Variants in ATP2B1 observed in about 807,000 individuals in gnomAD.
ATP2B1 encodes the protein plasma membrane calcium-transporting ATPase 1.
Under a neutral mutation model 124.2 loss-of-function variants are expected in ATP2B1, and 14 were observed. The observed-to-expected ratio is 0.11, with a 90% CI of 0.07 to 0.18. The LOEUF (loss-of-function observed/expected upper bound fraction) is 0.18. Among genes scored for constraint, ATP2B1 ranks in the 10% least tolerant of loss-of-function variants. The pLI, the probability that ATP2B1 is intolerant of heterozygous loss-of-function variation, is 1.00. For synonymous variants in ATP2B1, 449 were observed against 492.4 expected, an observed-to-expected ratio of 0.91 and a Z score of 1.17; for missense variants, 763 against 1,466.1, an observed-to-expected ratio of 0.52 and a Z score of 7.83.
At position 89,655,952 on chromosome 12, in the gene ATP2B1, C is replaced by T; in HGVS notation, c.-66G>A. ...AATTTAATTTTCACTTGATGTATTT[C>T]CAAGATGAAAATCTTTTAAGTATGA... On this transcript the variant is annotated 5_prime_UTR_variant, in exon 2 of 21. Transcript: ENST00000428670. 1 of 1,449,148 alleles carries T rather than the reference C, an allele frequency of 6.9e-7. No individual in the cohort carries two copies. Among genetic ancestry groups the T allele is most frequent in the Non-Finnish European group, 9.3e-7 (1 of 1,077,718 alleles). The allele number at this position is 1,449,148 out of a possible 1,614,324, so 89.8% of individuals were successfully genotyped here. A position where few individuals can be genotyped will look rare whatever the true frequency, so the allele number is the denominator to read the frequency against.
In ATP2B1 at chr12:89,591,106, G is replaced by T. The variant is rs1006793896; in HGVS notation, c.3541C>A (p.Pro1181Thr). The T allele has an allele frequency of 5.0e-6, 8 of 1,613,134 alleles. 1 individual carries two copies. In the Admixed American group the frequency reaches 1.3e-4, roughly 27 times the overall value. Residue 1181 changes from proline (P) to threonine (T), a missense_variant, in exon 21 of 21, where the codon CCC becomes ACC. Pro to Thr is a conservative substitution (Grantham distance 38). Coordinates refer to ENST00000428670, the MANE Select transcript of ATP2B1 (RefSeq NM_001366521.1). The part of the protein sequence containing the change: ...APTKRNSSPP[P>T]SPNKNNNAVD... ...GCATTGTTATTTTTGTTGGGAGAGG[G>T]TGGAGGACTGGAGTTACGTTTTGTA...
At chr12:89,601,268 C>T (rs1875789341) in intron 19 of ATP2B1, 58 bp downstream of exon 19, 1 of 1,201,008 alleles carries the variant, frequency 8.3e-7, no homozygotes, top group African/African-American at 1.6e-5. Flanking sequence ...AAAATACACA[C>T]TAGAAATTAA....
chr12:89,669,926 C>T (rs1021230685), intron 1 of ATP2B1, among the ~76,000 whole-genome samples: 2 of 152,114 alleles, frequency 1.3e-5, no homozygotes, highest in Admixed American at 6.5e-5. Context: ...GGAGGTATTA[C>T]GTATCTATAA....
At chr12:89,694,495 C>T (rs1413650866) in intron 1 of ATP2B1, among the ~76,000 whole-genome samples, 2 of 152,050 alleles carry the variant, frequency 1.3e-5, no homozygotes, top group Non-Finnish European at 2.9e-5. Flanking sequence ...AGGGGCATGG[C>T]CAAAGAATCT....
rs777283063 is a variant in ATP2B1, at chr12:89,603,521, T to C, written c.2848+191A>G. The C allele has an allele frequency of 4.6e-6, 3 of 657,736 alleles. No individual in the cohort carries two copies. The highest frequency in any genetic ancestry group is 7.7e-6 in the Non-Finnish European group (3 of 390,572). 40.7% of individuals were successfully genotyped at this position (657,736 alleles called of 1,614,324 possible). On this transcript the variant is annotated intron_variant, in intron 17 of 20. Coordinates refer to ENST00000428670, the MANE Select transcript of ATP2B1 (RefSeq NM_001366521.1). This position sits in a 1 kb window ranked among gnomAD's most constrained non-coding sequence, Gnocchi z 4.3. Reference sequence around the variant, plus strand: ...GACATCAGGACTGTTTATTCTCCTGTTTATTCTACTATCTAGCTTATTGTC... The same window carrying C: ...GACATCAGGACTGTTTATTCTCCTGCTTATTCTACTATCTAGCTTATTGTC...
intron 3 of ATP2B1, chr12:89,641,877 G>C: frequency 3.5e-6 from 1 of 282,944 alleles, no homozygotes; most frequent in Non-Finnish European, 6.6e-6. Context: ...TGATAGCAAA[G>C]ACCATGTCAT....
chr12:89,634,733 G>A (rs1190883351), intron 5 of ATP2B1, 45 bp downstream of exon 5: 1 of 1,510,470 alleles, frequency 6.6e-7, no homozygotes. Context: ...ATGGTACATA[G>A]TTGCGAAAGA....
chr12:89,649,835 T>C (rs910592054), intron 2 of ATP2B1, among the ~76,000 whole-genome samples: 5 of 152,154 alleles, frequency 3.3e-5, no homozygotes, highest in African/African-American at 1.2e-4. Flanking sequence ...ATGGACAGTT[T>C]AGCACCATCC....
chr12:89,662,546 T>TA (rs1247287027), intron 1 of ATP2B1, among the ~76,000 whole-genome samples: 2 of 152,184 alleles, frequency 1.3e-5, no homozygotes, highest in African/African-American at 2.4e-5. Context: ...AAAGAAAACA[T>TA]ACACACTCAC....
chr12:89,623,075 C>CCAT (rs1880272587), intron 9 of ATP2B1, among the ~76,000 whole-genome samples: 1 of 151,636 alleles, frequency 6.6e-6, no homozygotes, highest in Non-Finnish European at 1.5e-5. Flanking sequence ...GATACATTTA[C>CCAT]TTTATTTTTG....
At chr12:89,708,184 G>A (rs1593043392) in intron 1 of ATP2B1, among the ~76,000 whole-genome samples, 1 of 152,258 alleles carries the variant, frequency 6.6e-6, no homozygotes, top group East Asian at 1.9e-4. Flanking sequence ...CGGGGAGAGG[G>A]AGTGCCGGGC....
At position 89,658,184 on chromosome 12, in the gene ATP2B1, A is replaced by G. The variant is rs978111284; in HGVS notation, c.-221-2077T>C. On this transcript the variant is annotated intron_variant, in intron 1 of 20. Transcript: ENST00000428670. ...ATAATTAAGATAAGTCTGTGTGTTG[A>G]GGGCATGTTTGTTCATCCGTCCTCT... is the stretch of plus-strand genomic sequence containing the variant. Among the ~76,000 whole-genome samples, 11 of 152,216 alleles carry G rather than the reference A, an allele frequency of 7.2e-5. No homozygotes were observed. In the South Asian group the frequency reaches 1.4e-3, roughly 20 times the overall value.
At chr12:89,694,919 T>C (rs1372736079) in intron 1 of ATP2B1, among the ~76,000 whole-genome samples, 1 of 151,866 alleles carries the variant, frequency 6.6e-6, no homozygotes, top group African/African-American at 2.4e-5. Context: ...TAGCCGAGCA[T>C]GGTGGCACAT....
chr12:89,617,590 T>C (rs558222315), intron 11 of ATP2B1, among the ~76,000 whole-genome samples: 7 of 152,324 alleles, frequency 4.6e-5, no homozygotes, highest in African/African-American at 1.7e-4. Context: ...TACTACCTTT[T>C]CTTTCATTAC....
chr12:89,680,748 C>T (rs984248648), intron 1 of ATP2B1, among the ~76,000 whole-genome samples: 4 of 151,790 alleles, frequency 2.6e-5, no homozygotes, highest in South Asian at 2.1e-4. Context: ...ACTGTATATC[C>T]GGAAAACTGG....
At chr12:89,703,820 G>T (rs1892141882) in intron 1 of ATP2B1, among the ~76,000 whole-genome samples, 1 of 152,010 alleles carries the variant, frequency 6.6e-6, no homozygotes, top group South Asian at 2.1e-4. Flanking sequence ...TACTGATTTA[G>T]GTATCTCTAC....
intron 1 of ATP2B1, among the ~76,000 whole-genome samples, chr12:89,682,060 CA>C (rs1889422384): frequency 1.3e-5 from 2 of 152,000 alleles, no homozygotes; most frequent in South Asian, 4.2e-4. Flanking sequence ...AAAATCAAAA[CA>C]TACATAAAAT....
chr12:89,601,615 A>G (rs968794403), intron 18 of ATP2B1, among the ~76,000 whole-genome samples, 182 bp from the exon 19 acceptor site: 6 of 152,214 alleles, frequency 3.9e-5, no homozygotes, highest in Non-Finnish European at 7.4e-5. Context: ...TTTCCCCTCC[A>G]GTCCACTTTG....
At chr12:89,634,641 A>G (rs1882401755) in intron 5 of ATP2B1, 137 bp downstream of exon 5, 2 of 924,070 alleles carry the variant, frequency 2.2e-6, no homozygotes, top group African/African-American at 3.5e-5. Flanking sequence ...AAAGTCTGCA[A>G]GGATTACAAC....
Sources: gnomAD v4.1 joint callset for allele counts (sites outside exome capture counted in the v4.1 genomes callset) on GRCh38, gnomAD v4.1.1 for gene constraint, Gnocchi (gnomAD v3.1) non-coding constraint, MANE v1.5 for transcripts, NCBI Gene and HGNC (gene_info 2026-07-23, HGNC 2026-07-21) for gene names.